The following PCDHA5 variants were observed in gnomAD, a reference collection of about 807,000 sequenced individuals.
PCDHA5 encodes the protein protocadherin alpha-5.
PCDHA5 carries 43 observed loss-of-function variants against 61.6 expected under a neutral mutation model. The observed-to-expected ratio is 0.70, with a 90% CI of 0.55 to 0.90. The LOEUF (loss-of-function observed/expected upper bound fraction) is 0.90, where lower values mean the gene tolerates loss of function less well. PCDHA5 is among the 40% of genes least tolerant of loss of function. PCDHA5 has a pLI of 0.00. For missense variants in PCDHA5, 1,298 were observed against 1,222.7 expected, an observed-to-expected ratio of 1.06 and a Z score of -0.92; for synonymous variants, 627 against 543.9, an observed-to-expected ratio of 1.15 and a Z score of -2.13.
At chr5:140,941,214 C>CCTTTCTTTCTTT (rs60032403) in intron 1 of PCDHA5, among the ~76,000 whole-genome samples, 2,129 of 122,416 alleles carry the variant, frequency 0.017, 41 homozygotes, top group Non-Finnish European at 0.024. Context: ...TTTCTTTCTT[C>CCTTTCTTTCTTT]CTTTCTTTCT....
chr5:140,955,956 G>C (rs2095241724), intron 1 of PCDHA5, among the ~76,000 whole-genome samples: 1 of 152,050 alleles, frequency 6.6e-6, no homozygotes, highest in Admixed American at 6.6e-5. Flanking sequence ...CTTGCTTGTT[G>C]TTTGTGCATA....
chr5:140,965,173 G>A (rs1257436786), intron 1 of PCDHA5, among the ~76,000 whole-genome samples: 1 of 152,218 alleles, frequency 6.6e-6, no homozygotes, highest in African/African-American at 2.4e-5. Flanking sequence ...TTTAGTGAGT[G>A]CTTTTTTTGC....
intron 2 of PCDHA5, 148 bp from the exon 3 acceptor site, chr5:140,982,327 C>T: frequency 7.0e-7 from 1 of 1,419,146 alleles, no homozygotes; most frequent in Non-Finnish European, 9.4e-7. Context: ...AGGGTGACTG[C>T]TCAGCAGTAA....
rs1767830997 is a variant in PCDHA5 at position 140,823,673 on chromosome 5, C to T, written c.1898C>T (p.Thr633Ile). The T allele has an allele frequency of 2.5e-6, 4 of 1,613,942 alleles. No homozygotes were observed. Among genetic ancestry groups the T allele is most frequent in the Non-Finnish European group, 3.4e-6 (4 of 1,179,970 alleles). Reference sequence around the variant, plus strand: ...CTGTACACAGGCGAGATCAGCACAACACGCTCTCTGGATGAGACCGAAGCA... The same window carrying T: ...CTGTACACAGGCGAGATCAGCACAATACGCTCTCTGGATGAGACCGAAGCA... ...VGLYTGEIST[T>I]RSLDETEAPR... is the part of the protein sequence containing the mutation. Residue 633 changes from threonine to isoleucine, a missense_variant, in exon 1 of 4, where the codon ACA becomes ATA. Transcript: ENST00000529859.
At chr5:140,967,159 G>A in intron 1 of PCDHA5, 2 of 1,610,752 alleles carry the variant, frequency 1.2e-6, no homozygotes, top group Non-Finnish European at 1.7e-6. Context: ...CCGTGGCGGT[G>A]AGCGCCGTTG....
intron 1 of PCDHA5, chr5:140,882,226 G>A (rs778262653): frequency 1.3e-6 from 2 of 1,564,150 alleles, no homozygotes; most frequent in Non-Finnish European, 1.7e-6. Context: ...GAGGTAAGGC[G>A]TTGTATATAT....
At chr5:140,872,544 C>T (rs912822292) in intron 1 of PCDHA5, among the ~76,000 whole-genome samples, 1 of 152,126 alleles carries the variant, frequency 6.6e-6, no homozygotes, top group Admixed American at 6.5e-5. Context: ...AGAGGATCCC[C>T]TGAACCCAGG....
chr5:140,945,605 C>G (rs564297850), intron 1 of PCDHA5, among the ~76,000 whole-genome samples: 1 of 152,166 alleles, frequency 6.6e-6, no homozygotes, highest in East Asian at 1.9e-4. Context: ...CTATAATAAT[C>G]AAAACAGCAT....
intron 1 of PCDHA5, chr5:140,868,295 T>C (rs569295401): frequency 6.6e-6 from 1 of 152,272 alleles, no homozygotes; most frequent in African/African-American, 2.4e-5. Context: ...AGAATATGAA[T>C]ATATTTGTTT....
At chr5:140,951,941 C>T (rs576414648) in intron 1 of PCDHA5, among the ~76,000 whole-genome samples, 8 of 152,220 alleles carry the variant, frequency 5.3e-5, no homozygotes, top group African/African-American at 1.4e-4. Flanking sequence ...AGATACAGTG[C>T]GGGTACAGGC....
At chr5:140,909,043 C>T (rs2074280472) in intron 1 of PCDHA5, among the ~76,000 whole-genome samples, 1 of 152,188 alleles carries the variant, frequency 6.6e-6, no homozygotes, top group Non-Finnish European at 1.5e-5. Flanking sequence ...TTTCCATACT[C>T]TGGCATGCAA....
At chr5:140,902,551 C>G (rs1022882687) in intron 1 of PCDHA5, among the ~76,000 whole-genome samples, 1 of 151,956 alleles carries the variant, frequency 6.6e-6, no homozygotes, top group African/African-American at 2.4e-5. Context: ...CTTCTATACC[C>G]AGATTTTTGA....
rs529433053 is a variant in PCDHA5 at position 140,985,961 on chromosome 5, A to C, written c.2500+3398A>C. Among the ~76,000 whole-genome samples, 18 of 151,982 alleles carry C rather than the reference A, an allele frequency of 1.2e-4. 1 individual carries two copies. In the South Asian group the frequency reaches 3.3e-3, roughly 28 times the overall value. On this transcript the variant is annotated intron_variant, in intron 3 of 3. Transcript: ENST00000529859. Reference sequence around the variant, plus strand: ...TCACTGTGTTAGCCAGGATGGTCTCAATCTCCTGACCTCGTGATCCGCCCA... The same window carrying C: ...TCACTGTGTTAGCCAGGATGGTCTCCATCTCCTGACCTCGTGATCCGCCCA...
At chr5:140,955,096 T>G (rs1366148224) in intron 1 of PCDHA5, among the ~76,000 whole-genome samples, 1 of 152,178 alleles carries the variant, frequency 6.6e-6, no homozygotes, top group Non-Finnish European at 1.5e-5. Flanking sequence ...GTGTGTGGTG[T>G]TATTTCTGAG....
At chr5:140,891,052 A>T (rs1554184638) in intron 1 of PCDHA5, among the ~76,000 whole-genome samples, 1 of 152,200 alleles carries the variant, frequency 6.6e-6, no homozygotes, top group Non-Finnish European at 1.5e-5. Flanking sequence ...CCCACAGCAC[A>T]TAGTAAATAT....
At chr5:140,864,675 T>A (rs1331256646) in intron 1 of PCDHA5, 6 of 152,254 alleles carry the variant, frequency 3.9e-5, no homozygotes, top group African/African-American at 1.4e-4. Context: ...GTTGACTTAA[T>A]TGCTGCTGTC....
chr5:140,960,789 T>C (rs1221128371), intron 1 of PCDHA5, among the ~76,000 whole-genome samples: 3 of 152,058 alleles, frequency 2.0e-5, no homozygotes. Context: ...CCAAACAAGG[T>C]TTCTATTAAA....
At chr5:140,869,591 A>AGAAT in intron 1 of PCDHA5, 1 of 1,614,138 alleles carries the variant, frequency 6.2e-7, no homozygotes. Flanking sequence ...GCTGACATTG[A>AGAAT]AGAGAATGCT....
rs1767368457 is a variant in PCDHA5 at position 140,822,618 on chromosome 5, T to C, written c.843T>C (p.Ser281=). Residue 281 remains serine, a synonymous_variant, in exon 1 of 4, where the codon AGT becomes AGC. Transcript: ENST00000529859. ...ATAAGGAAATAGTGTATTTCTTTAG[T>C]AATCTTGTTCTTGACGATGTAAAGT... ...GINKEIVYFF[S]NLVLDDVKSK... 1 of 1,611,484 alleles carries C rather than the reference T, an allele frequency of 6.2e-7. No individual in the cohort carries two copies. The highest frequency in any genetic ancestry group is 1.1e-5 in the South Asian group (1 of 90,954).
Sources: gnomAD v4.1 joint callset for allele counts (sites outside exome capture counted in the v4.1 genomes callset) on GRCh38, gnomAD v4.1.1 for gene constraint, MANE v1.5 for transcripts, NCBI Gene and HGNC (gene_info 2026-07-23, HGNC 2026-07-21) for gene names.